The following SGCZ variants were observed in gnomAD, a reference collection of about 807,000 sequenced individuals.
SGCZ encodes the protein zeta-sarcoglycan.
Under a neutral mutation model 41.3 loss-of-function variants are expected in SGCZ, and 40 were observed. That is an observed-to-expected ratio of 0.97 (90% CI 0.75 to 1.26). The LOEUF (loss-of-function observed/expected upper bound fraction) is 1.26, where lower values mean the gene tolerates loss of function less well. Ranked by LOEUF, SGCZ falls within the 50% of genes most tolerant of loss-of-function variation. The pLI is 0.00. For missense variants in SGCZ, 552 were observed against 369.8 expected (o/e 1.49, Z -4.04); for synonymous variants, 206 against 137.5 (o/e 1.50, Z -3.49).
chr8:14,249,855 TG>T (rs1799228385), intron 3 of SGCZ, among the ~76,000 whole-genome samples: 1 of 152,090 alleles, frequency 6.6e-6, no homozygotes, highest in African/African-American at 2.4e-5. Context: ...CCTTGCAAGA[TG>T]GCAAGATTTT....
intron 1 of SGCZ, among the ~76,000 whole-genome samples, chr8:15,096,147 G>A (rs571976071): frequency 1.4e-4 from 22 of 151,752 alleles, no homozygotes; most frequent in Non-Finnish European, 2.1e-4. Context: ...ATGCAATCTC[G>A]GCTCACTGCA....
Position 14,320,310 on chromosome 8 carries a change from G to C in SGCZ, c.336+3793C>G, listed in dbSNP as rs111541286. Among the ~76,000 whole-genome samples, 428 of 151,870 alleles carry C rather than the reference G, an allele frequency of 2.8e-3. 3 individuals carry two copies. The highest frequency in any genetic ancestry group is 9.8e-3 in the African/African-American group (406 of 41,494). On this transcript the variant is annotated intron_variant, in intron 3 of 7. Transcript: ENST00000382080. ...TATGAATTAGCTAGTATGAAAGAAA[G>C]AAACCTAAATAGACCAGATTTGCCG...
At chr8:15,186,024 C>A (rs969399104) in intron 1 of SGCZ, among the ~76,000 whole-genome samples, 1 of 150,010 alleles carries the variant, frequency 6.7e-6, no homozygotes, top group African/African-American at 2.5e-5. Flanking sequence ...GGAGATGAGA[C>A]CATCCTGGCT....
intron 2 of SGCZ, among the ~76,000 whole-genome samples, chr8:14,512,961 G>A (rs1342612056): frequency 6.6e-6 from 1 of 152,050 alleles, no homozygotes; most frequent in Admixed American, 6.6e-5. Flanking sequence ...AATGTCTATT[G>A]TTAGTAAAGA....
intron 2 of SGCZ, among the ~76,000 whole-genome samples, chr8:14,467,460 T>C (rs949024008): frequency 1.3e-5 from 2 of 152,040 alleles, no homozygotes; most frequent in Admixed American, 6.6e-5. Flanking sequence ...AGAATCCTTT[T>C]TGCCACTCTG....
intron 1 of SGCZ, among the ~76,000 whole-genome samples, chr8:14,611,532 A>G (rs1234433380): frequency 6.6e-6 from 1 of 152,196 alleles, no homozygotes; most frequent in Non-Finnish European, 1.5e-5. Context: ...ATTAACATGA[A>G]TTAATGAAGA....
chr8:14,085,693 AG>A lies in SGCZ; in HGVS notation c.*4749del, dbSNP rs905980670. Among the ~76,000 whole-genome samples, 1 of 151,762 alleles carries A rather than the reference AG, an allele frequency of 6.6e-6. No homozygotes were observed. The highest frequency in any genetic ancestry group is 6.6e-5 in the Admixed American group (1 of 15,182). On this transcript the variant is annotated 3_prime_UTR_variant, in exon 8 of 8. Coordinates refer to ENST00000382080, the MANE Select transcript of SGCZ (RefSeq NM_139167.4). ...ATTTTGGGATACGGTCTTTGCATATAGGTTTTATGAATACCAAGGAGTTTGT... is the reference window on the plus strand; with the variant it reads ...ATTTTGGGATACGGTCTTTGCATATAGTTTTATGAATACCAAGGAGTTTGT...
At chr8:14,581,852 A>T (rs1433849610) in intron 1 of SGCZ, among the ~76,000 whole-genome samples, 1 of 152,214 alleles carries the variant, frequency 6.6e-6, no homozygotes, top group East Asian at 1.9e-4. Context: ...TGCTTTTTAT[A>T]CACAGATGAT....
intron 1 of SGCZ, among the ~76,000 whole-genome samples, chr8:14,999,980 C>G (rs547041705): frequency 1.3e-5 from 2 of 152,242 alleles, no homozygotes; most frequent in South Asian, 2.1e-4. Context: ...CTCACACTCT[C>G]AGGACTAGAA....
chr8:14,132,156 C>G (rs1362975736), intron 5 of SGCZ, among the ~76,000 whole-genome samples: 1 of 152,066 alleles, frequency 6.6e-6, no homozygotes, highest in South Asian at 2.1e-4. Flanking sequence ...TTCATTTCTG[C>G]TCCTCAGACT....
rs1029208632 is a variant in SGCZ at position 15,070,786 on chromosome 8, A to G, written c.39+166799T>C. ...TATAGTCTTCTAGTTGAATGAGTGT[A>G]TTAGCTTCTTATTATTTATGGTTTT... On this transcript the variant is annotated intron_variant, in intron 1 of 7. Transcript: ENST00000382080. 5.3e-5 allele frequency among the ~76,000 whole-genome samples: 8 copies of G among 152,190 alleles called. 1 individual carries two copies. The highest frequency in any genetic ancestry group is 3.9e-4 in the Admixed American group (6 of 15,276).
chr8:15,161,389 C>G (rs917302669), intron 1 of SGCZ, among the ~76,000 whole-genome samples: 4 of 152,140 alleles, frequency 2.6e-5, no homozygotes, highest in Admixed American at 2.6e-4. Flanking sequence ...CTCCACAGCA[C>G]TTACCCCACT....
At chr8:15,050,431 G>A (rs74976930) in intron 1 of SGCZ, among the ~76,000 whole-genome samples, 1 of 152,152 alleles carries the variant, frequency 6.6e-6, no homozygotes, top group Non-Finnish European at 1.5e-5. Flanking sequence ...CTGAAACTGA[G>A]AAGTATTGAG....
intron 2 of SGCZ, among the ~76,000 whole-genome samples, chr8:14,414,387 C>A (rs1799440982): frequency 6.6e-6 from 1 of 151,734 alleles, no homozygotes; most frequent in African/African-American, 2.4e-5. Flanking sequence ...ATAGGAACTC[C>A]CTGGAGAGTA....
chr8:14,618,095 T>TAA (rs3068666), intron 1 of SGCZ, among the ~76,000 whole-genome samples: 1 of 151,956 alleles, frequency 6.6e-6, no homozygotes, highest in East Asian at 1.9e-4. Flanking sequence ...CCAACAGATA[T>TAA]TTATGGAGCA....
At chr8:14,986,474 C>A (rs562271071) in intron 1 of SGCZ, among the ~76,000 whole-genome samples, 1 of 152,028 alleles carries the variant, frequency 6.6e-6, no homozygotes, top group Admixed American at 6.6e-5. Context: ...CATTTCAAAT[C>A]CCCAGCAGTA....
chr8:14,669,240 C>T (rs1808017385), intron 1 of SGCZ, among the ~76,000 whole-genome samples: 1 of 150,974 alleles, frequency 6.6e-6, no homozygotes, highest in African/African-American at 2.4e-5. Flanking sequence ...CACCTGTAAT[C>T]CCAGCTACTC....
At chr8:14,229,846 C>G (rs1452826691) in intron 4 of SGCZ, among the ~76,000 whole-genome samples, 1 of 151,998 alleles carries the variant, frequency 6.6e-6, no homozygotes, top group Admixed American at 6.6e-5. Context: ...CCCTCATCTA[C>G]ATTTTTTCTC....
At chr8:14,204,820 C>T (rs1437047934) in intron 4 of SGCZ, among the ~76,000 whole-genome samples, 1 of 152,166 alleles carries the variant, frequency 6.6e-6, no homozygotes, top group Non-Finnish European at 1.5e-5. Context: ...CCAGTTCACG[C>T]TATCTTCACC....
Sources: gnomAD v4.1 joint callset for allele counts (sites outside exome capture counted in the v4.1 genomes callset) on GRCh38, gnomAD v4.1.1 for gene constraint, MANE v1.5 for transcripts, NCBI Gene and HGNC (gene_info 2026-07-23, HGNC 2026-07-21) for gene names.